Variants in NSUN3 observed in about 807,000 individuals in gnomAD.
The protein encoded by NSUN3 is NOP2/Sun RNA methyltransferase 3, also known as tRNA (cytosine(34)-C(5))-methyltransferase, mitochondrial.
Under a neutral mutation model 36.8 loss-of-function variants are expected in NSUN3, and 24 were observed. The observed-to-expected ratio is 0.65, with a 90% CI of 0.47 to 0.92. The LOEUF is 0.92. NSUN3 is among the 40% of genes least tolerant of loss of function. The probability of loss-of-function intolerance (pLI) is 0.00; values close to 1 mark genes in which losing one functional copy is unlikely to be tolerated. For missense variants in NSUN3, 381 were observed against 392.8 expected (o/e 0.97, Z 0.25); for synonymous variants, 146 against 145.2 (o/e 1.01, Z -0.04).
At chr3:94,066,529 T>G (rs1242640863) in intron 2 of NSUN3, among the ~76,000 whole-genome samples, 1 of 152,182 alleles carries the variant, frequency 6.6e-6, no homozygotes, top group African/African-American at 2.4e-5. Flanking sequence ...TGAGGAAGAT[T>G]TAGTATTTAG....
chr3:94,086,372 G>A (rs1483945361), intron 3 of NSUN3, among the ~76,000 whole-genome samples: 2 of 152,216 alleles, frequency 1.3e-5, no homozygotes, highest in African/African-American at 2.4e-5. Flanking sequence ...TGTAAAGTTG[G>A]TGAAGGACCT....
chr3:94,112,162 C>T (rs139019108), intron 5 of NSUN3, among the ~76,000 whole-genome samples: 13 of 152,306 alleles, frequency 8.5e-5, no homozygotes, highest in African/African-American at 3.1e-4. Flanking sequence ...TATGGAGGGC[C>T]ATCTGCTTTA....
chr3:94,126,547 C>T lies in NSUN3; in HGVS notation c.*57C>T, dbSNP rs2077487217. 1 of 1,437,838 alleles carries T rather than the reference C, an allele frequency of 7.0e-7. No individual in the cohort carries two copies. The highest frequency in any genetic ancestry group is 1.4e-5 in the African/African-American group (1 of 69,244). 89.1% of individuals were successfully genotyped at this position (1,437,838 alleles called of 1,614,324 possible). ...TATATTTATATTTCTGAACTCAGTA[C>T]ATGTTAATATTTAAATAATTATGCA... On this transcript the variant is annotated 3_prime_UTR_variant, in exon 6 of 6. Coordinates refer to ENST00000314622, the MANE Select transcript of NSUN3 (RefSeq NM_022072.5).
At position 94,084,279 on chromosome 3, in the gene NSUN3, C is replaced by T. The variant is rs762031082; in HGVS notation, c.295C>T (p.Arg99Ter). Residue 99 changes from arginine to a stop codon, truncating the protein, a stop_gained, in exon 3 of 6, where the codon CGA becomes TGA. Transcript: ENST00000314622. LOFTEE classifies it high-confidence loss of function. The part of the protein sequence containing the change: ...VKCYLSRTPG[R>*]IPSERHQIGN... ...GTGTTACCTTAGCAGAACTCCGGGC[C>T]GAATCCCTTCAGAAAGACACCAAAT... is the stretch of plus-strand genomic sequence containing the variant. 22 of 1,613,892 alleles carry T rather than the reference C, an allele frequency of 1.4e-5. No individual in the cohort carries two copies. The highest frequency in any genetic ancestry group is 1.2e-4 in the Admixed American group (7 of 59,974).
At chr3:94,121,358 A>G (rs1343427055) in intron 5 of NSUN3, among the ~76,000 whole-genome samples, 2 of 152,164 alleles carry the variant, frequency 1.3e-5, no homozygotes, top group Non-Finnish European at 2.9e-5. Flanking sequence ...TTTCAATGAT[A>G]AAGGACCTTT....
chr3:94,124,759 T>C (rs868788456), intron 5 of NSUN3, among the ~76,000 whole-genome samples: 20 of 152,158 alleles, frequency 1.3e-4, no homozygotes, highest in Admixed American at 7.9e-4. Flanking sequence ...TCAAAACATA[T>C]TTAATTTGTT....
intron 5 of NSUN3, 105 bp downstream of exon 5, chr3:94,095,259 A>C: frequency 9.2e-7 from 1 of 1,085,268 alleles, no homozygotes; most frequent in Non-Finnish European, 1.3e-6. Context: ...TGTAGGTGTC[A>C]ATGATTATTC....
intron 5 of NSUN3, among the ~76,000 whole-genome samples, chr3:94,108,202 CTTT>C (rs1217670564): frequency 6.6e-6 from 1 of 151,732 alleles, no homozygotes; most frequent in Non-Finnish European, 1.5e-5. Context: ...ACCACGTTTA[CTTT>C]TTTTTATTAT....
intron 5 of NSUN3, among the ~76,000 whole-genome samples, chr3:94,099,804 G>GAAAAAA (rs34896138): frequency 7.1e-6 from 1 of 141,838 alleles, no homozygotes. Context: ...TTCAAAAAAT[G>GAAAAAA]AAAAAAAAAA....
At position 94,091,726 on chromosome 3, in the gene NSUN3, A is replaced by G. The variant is rs1033008585; in HGVS notation, c.467-2414A>G. On this transcript the variant is annotated intron_variant, in intron 3 of 5. Coordinates refer to ENST00000314622, the MANE Select transcript of NSUN3 (RefSeq NM_022072.5). Reference sequence around the variant, plus strand: ...TAGAATGTAAAACATTTAAACTAGAAAAAGAGGAAAGTTGAATGAAAGGTG... The same window carrying G: ...TAGAATGTAAAACATTTAAACTAGAGAAAGAGGAAAGTTGAATGAAAGGTG... 1.1e-4 allele frequency among the ~76,000 whole-genome samples: 16 copies of G among 152,222 alleles called. No individual in the cohort carries two copies. In the East Asian group the frequency reaches 1.3e-3, roughly 13 times the overall value.
chr3:94,089,396 G>A (rs2077305597), intron 3 of NSUN3, among the ~76,000 whole-genome samples: 1 of 152,192 alleles, frequency 6.6e-6, no homozygotes, highest in African/African-American at 2.4e-5. Flanking sequence ...ACAGGCACCA[G>A]GGAGAGGCAA....
chr3:94,089,193 T>C (rs953049100), intron 3 of NSUN3, among the ~76,000 whole-genome samples: 9 of 152,202 alleles, frequency 5.9e-5, no homozygotes, highest in Admixed American at 5.9e-4. Flanking sequence ...TGCAGCACTT[T>C]TTTTTACAGG....
intron 5 of NSUN3, among the ~76,000 whole-genome samples, chr3:94,115,469 T>C (rs1483778265): frequency 6.6e-6 from 1 of 152,192 alleles, no homozygotes; most frequent in Non-Finnish European, 1.5e-5. Context: ...AATCATAGTA[T>C]ATTGGGGCTG....
intron 5 of NSUN3, among the ~76,000 whole-genome samples, chr3:94,101,974 A>G (rs759613659): frequency 2.6e-5 from 4 of 152,134 alleles, no homozygotes; most frequent in Non-Finnish European, 5.9e-5. Context: ...TATTGCAGTA[A>G]TGTATCATGT....
intron 3 of NSUN3, among the ~76,000 whole-genome samples, chr3:94,086,010 A>G (rs1056198413): frequency 2.7e-5 from 4 of 149,086 alleles, no homozygotes; most frequent in African/African-American, 9.9e-5. Context: ...GTGGCGTGAT[A>G]TCAGCTCACT....
At chr3:94,087,391 A>G (rs921305398) in intron 3 of NSUN3, among the ~76,000 whole-genome samples, 3 of 152,220 alleles carry the variant, frequency 2.0e-5, no homozygotes, top group Non-Finnish European at 4.4e-5. Context: ...TTGAATGATT[A>G]CAAAGCTTAT....
intron 2 of NSUN3, 67 bp downstream of exon 2, chr3:94,064,613 G>C (rs1317006882): frequency 1.0e-6 from 1 of 990,816 alleles, no homozygotes; most frequent in Non-Finnish European, 1.6e-6. Context: ...CCTTTTTGTG[G>C]GAGGGATGCT....
chr3:94,129,481 G>T lies in NSUN3; in HGVS notation c.*2991G>T, dbSNP rs1187217742. ...GGACATAAAGGAACAATAGACACTGGTGACTACTAGAGTGGGGAGGGGAGG... is the reference window on the plus strand; with the variant it reads ...GGACATAAAGGAACAATAGACACTGTTGACTACTAGAGTGGGGAGGGGAGG... On this transcript the variant is annotated 3_prime_UTR_variant, in exon 6 of 6. Transcript: ENST00000314622. 6.6e-6 allele frequency among the ~76,000 whole-genome samples: 1 copy of T among 152,034 alleles called. No homozygotes were observed. Among genetic ancestry groups the T allele is most frequent in the Non-Finnish European group, 1.5e-5 (1 of 68,028 alleles).
intron 5 of NSUN3, among the ~76,000 whole-genome samples, chr3:94,106,663 C>T (rs952534426): frequency 6.6e-6 from 1 of 152,012 alleles, no homozygotes; most frequent in African/African-American, 2.4e-5. Flanking sequence ...TAATAGTGGT[C>T]GGGGTTTTTT....
Sources: gnomAD v4.1 joint callset for allele counts (sites outside exome capture counted in the v4.1 genomes callset) on GRCh38, gnomAD v4.1.1 for gene constraint, MANE v1.5 for transcripts, NCBI Gene and HGNC (gene_info 2026-07-23, HGNC 2026-07-21) for gene names.